Variants in DENND2B observed in about 807,000 individuals in gnomAD.
DENND2B encodes the protein DENN domain containing 2B, also known as DENN domain-containing protein 2B.
A neutral mutation model predicts 116.0 loss-of-function variants in DENND2B; 32 were observed. That is an observed-to-expected ratio of 0.28 (90% confidence interval 0.21 to 0.37). The LOEUF is 0.37. Among genes scored for constraint, DENND2B ranks in the 10% least tolerant of loss-of-function variants. The pLI, the probability that DENND2B is intolerant of heterozygous loss-of-function variation, is 1.00. For synonymous variants in DENND2B, 588 were observed against 583.9 expected, an observed-to-expected ratio of 1.01 and a Z score of -0.10; for missense variants, 1,276 against 1,477.7, an observed-to-expected ratio of 0.86 and a Z score of 2.24.
intron 4 of DENND2B, chr11:8,830,756 A>G (rs2062174465): frequency 6.6e-6 from 1 of 152,122 alleles, no homozygotes. Context: ...ACAGGCTCCA[A>G]TCCACCTATT....
intron 19 of DENND2B, 134 bp from the exon 20 acceptor site, chr11:8,694,264 A>G: frequency 9.3e-7 from 1 of 1,074,416 alleles, no homozygotes; most frequent in Non-Finnish European, 1.4e-6. Flanking sequence ...CTGTGATCTG[A>G]TCCAGGGTAG....
In DENND2B at chr11:8,701,009, G is replaced by A. The variant is rs566220713; in HGVS notation, c.2720+1563C>T. ...TCACCATGTTGGCCAGGAGAGTCTCGATCTCTTGACCTTGTGATCTGCCCA... is the reference window on the plus strand; with the variant it reads ...TCACCATGTTGGCCAGGAGAGTCTCAATCTCTTGACCTTGTGATCTGCCCA... On this transcript the variant is annotated intron_variant, in intron 14 of 19. Transcript: ENST00000313726. Among the ~76,000 whole-genome samples, 43 of 152,022 alleles carry A rather than the reference G, an allele frequency of 2.8e-4. No individual in the cohort carries two copies. In the East Asian group the frequency reaches 7.8e-3, roughly 28 times the overall value.
At chr11:8,766,959 T>C (rs968052983) in intron 1 of DENND2B, among the ~76,000 whole-genome samples, 1 of 145,176 alleles carries the variant, frequency 6.9e-6, no homozygotes, top group East Asian at 2.1e-4. Flanking sequence ...AAGGGAAGGA[T>C]GGTGGGGAGG....
intron 1 of DENND2B, among the ~76,000 whole-genome samples, chr11:8,764,644 AC>A (rs1349035310): frequency 6.6e-6 from 1 of 151,992 alleles, no homozygotes; most frequent in Non-Finnish European, 1.5e-5. Context: ...TCCCAAGTAC[AC>A]CCCTGCAGCC....
intron 3 of DENND2B, 110 bp from the exon 4 acceptor site, chr11:8,726,319 C>T: frequency 7.1e-7 from 1 of 1,417,152 alleles, no homozygotes; most frequent in Non-Finnish European, 9.4e-7. Flanking sequence ...ACAAAGGCAG[C>T]TTCTGAAAGA....
chr11:8,880,086 T>A (rs1379472603), intron 2 of DENND2B, among the ~76,000 whole-genome samples: 1 of 152,198 alleles, frequency 6.6e-6, no homozygotes, highest in Non-Finnish European at 1.5e-5. Flanking sequence ...TCCATTATGC[T>A]GGGGAACATG....
chr11:8,790,416 C>G (rs375025032), intron 1 of DENND2B, among the ~76,000 whole-genome samples: 112 of 152,252 alleles, frequency 7.4e-4, no homozygotes, highest in African/African-American at 2.5e-3. Flanking sequence ...AGGGGCCTAA[C>G]GAATGTATGC....
intron 1 of DENND2B, among the ~76,000 whole-genome samples, chr11:8,797,896 G>A (rs1037347457): frequency 6.6e-6 from 1 of 152,074 alleles, no homozygotes; most frequent in African/African-American, 2.4e-5. Flanking sequence ...TGACTTCCTA[G>A]GTGTCCTTTC....
At chr11:8,894,759 G>T (rs1486231897) in intron 1 of DENND2B, among the ~76,000 whole-genome samples, 1 of 152,152 alleles carries the variant, frequency 6.6e-6, no homozygotes, top group Non-Finnish European at 1.5e-5. Context: ...ACAGGTGCTG[G>T]AGAGGATGTG....
At chr11:8,806,638 A>ACACACACACACACACCCC (rs1017645452) in intron 1 of DENND2B, among the ~76,000 whole-genome samples, 1 of 150,896 alleles carries the variant, frequency 6.6e-6, no homozygotes, top group African/African-American at 2.4e-5. Flanking sequence ...ACACACACAC[A>ACACACACACACACACCCC]CCCAGGAGAG....
chr11:8,856,456 T>G (rs949389765), intron 3 of DENND2B, among the ~76,000 whole-genome samples: 8 of 152,264 alleles, frequency 5.3e-5, no homozygotes, highest in Admixed American at 3.9e-4. Context: ...TGTATCAATC[T>G]GTTCTCATCA....
chr11:8,714,567 A>C, intron 7 of DENND2B, 43 bp downstream of exon 7: 20 of 1,494,142 alleles, frequency 1.3e-5, no homozygotes, highest in Non-Finnish European at 1.8e-5. Flanking sequence ...CCTAATGCCC[A>C]AGGGCCCCAA....
At chr11:8,814,559 G>GCCT (rs2061504937), upstream of DENND2B, among the ~76,000 whole-genome samples, 1 of 152,066 alleles carries the variant, frequency 6.6e-6, no homozygotes, top group Non-Finnish European at 1.5e-5. Flanking sequence ...TACTCACCTT[G>GCCT]CCTCACCTTG....
chr11:8,748,925 G>A (rs1001807930), intron 2 of DENND2B, among the ~76,000 whole-genome samples: 20 of 151,984 alleles, frequency 1.3e-4, no homozygotes, highest in African/African-American at 4.6e-4. Flanking sequence ...CCTGTATGGT[G>A]GAAATTAGAA....
intron 4 of DENND2B, chr11:8,718,592 A>G (rs778948246): frequency 2.5e-5 from 34 of 1,359,070 alleles, no homozygotes; most frequent in Non-Finnish European, 3.1e-5. Flanking sequence ...CTCAGCAAAA[A>G]GAGAACCATC....
chr11:8,713,615 C>T (rs1051603152), intron 8 of DENND2B, among the ~76,000 whole-genome samples: 2 of 152,160 alleles, frequency 1.3e-5, no homozygotes, highest in Admixed American at 6.5e-5. Context: ...CTCCTGACCT[C>T]GTGATCTGCC....
chr11:8,850,738 G>C (rs949251416), intron 3 of DENND2B, among the ~76,000 whole-genome samples: 5 of 152,160 alleles, frequency 3.3e-5, no homozygotes, highest in Admixed American at 2.6e-4. Flanking sequence ...GTTCATTGCA[G>C]CATTATTCAT....
At chr11:8,893,977 A>G (rs2064067197) in intron 1 of DENND2B, among the ~76,000 whole-genome samples, 1 of 152,172 alleles carries the variant, frequency 6.6e-6, no homozygotes, top group Non-Finnish European at 1.5e-5. Flanking sequence ...TGGAGGCATC[A>G]TGCTACCTGA....
intron 1 of DENND2B, among the ~76,000 whole-genome samples, chr11:8,758,808 C>T (rs549414456): frequency 4.6e-5 from 7 of 152,184 alleles, no homozygotes; most frequent in African/African-American, 1.4e-4. Context: ...TCGGCTCTAA[C>T]CTGACCTCCC....
Sources: gnomAD v4.1 joint callset for allele counts (sites outside exome capture counted in the v4.1 genomes callset) on GRCh38, gnomAD v4.1.1 for gene constraint, MANE v1.5 for transcripts, NCBI Gene and HGNC (gene_info 2026-07-23, HGNC 2026-07-21) for gene names.